SHISAL2A: variants seen among roughly 807,000 people sequenced by gnomAD.
The protein encoded by SHISAL2A is protein shisa-like-2A.
Under a neutral mutation model 11.5 loss-of-function variants are expected in SHISAL2A, and 18 were observed. That is an observed-to-expected ratio of 1.57 (90% confidence interval 1.08 to 2.33). SHISAL2A has a LOEUF of 2.33. Among genes scored for constraint, SHISAL2A ranks in the 30% most tolerant of loss-of-function variants. The pLI is 0.00. For synonymous variants in SHISAL2A, 94 were observed against 99.6 expected (o/e 0.94, Z 0.34); for missense variants, 261 against 250.9 (o/e 1.04, Z -0.27).
At position 52,656,830 on chromosome 1, in the gene SHISAL2A, A is replaced by T. The variant is rs1480511624; in HGVS notation, c.363A>T (p.Thr121=). The T allele has an allele frequency of 6.2e-7, 1 of 1,613,968 alleles. No homozygotes were observed. Among genetic ancestry groups the T allele is most frequent in the South Asian group, 1.1e-5 (1 of 91,046 alleles). Residue 121 remains threonine (T), a synonymous_variant, in exon 3 of 3, where the codon ACA becomes ACT. Transcript: ENST00000517870. ...EVSPDCQGVN[T]GMAAEVPKVS... is the part of the protein sequence containing the mutation. ...CTCCTGACTGCCAAGGTGTGAACAC[A>T]GGCATGGCGGCAGAAGTGCCAAAAG... is the stretch of plus-strand genomic sequence containing the variant.
Position 52,656,934 on chromosome 1 carries a change from G to C in SHISAL2A, c.467G>C (p.Arg156Pro), listed in dbSNP as rs777001067. ...SNEGQAVNSK[R>P]LLHHCFMATV... Reference sequence around the variant, plus strand: ...GAGGGGCAGGCTGTGAACTCCAAACGCCTCCTCCATCATTGCTTCATGGCC... The same window carrying C: ...GAGGGGCAGGCTGTGAACTCCAAACCCCTCCTCCATCATTGCTTCATGGCC... Residue 156 changes from arginine (R) to proline (P), a missense_variant, in exon 3 of 3, where the codon CGC becomes CCC. Transcript: ENST00000517870. 6.2e-7 allele frequency: 1 copy of C among 1,614,126 alleles called. No individual in the cohort carries two copies. Among genetic ancestry groups the C allele is most frequent in the Non-Finnish European group, 8.5e-7 (1 of 1,180,030 alleles).
At chr1:52,637,961 C>T (rs1034877939) in intron 1 of SHISAL2A, among the ~76,000 whole-genome samples, 7 of 152,102 alleles carry the variant, frequency 4.6e-5, no homozygotes, top group Non-Finnish European at 7.4e-5. Context: ...ATAACTCATT[C>T]GTGTGTCCTG....
chr1:52,655,446 T>C (rs375267766), intron 2 of SHISAL2A, among the ~76,000 whole-genome samples: 1 of 107,332 alleles, frequency 9.3e-6, no homozygotes, highest in East Asian at 2.5e-4. Flanking sequence ...TGAGACCCTG[T>C]ATCTACAAAA....
At chr1:52,638,692 G>A (rs1434675037) in intron 1 of SHISAL2A, among the ~76,000 whole-genome samples, 1 of 152,216 alleles carries the variant, frequency 6.6e-6, no homozygotes, top group African/African-American at 2.4e-5. Context: ...GGTAACTGGA[G>A]CTTAAACTCT....
intron 1 of SHISAL2A, among the ~76,000 whole-genome samples, chr1:52,639,125 ATGGTGCCAC>A (rs1691301891): frequency 6.6e-6 from 1 of 151,984 alleles, no homozygotes; most frequent in Admixed American, 6.6e-5. Context: ...GTGAGCCATG[ATGGTGCCAC>A]TGTACTCCAG....
chr1:52,661,205 AGCCACAGGAAAGGG>A (rs1453712685), downstream of SHISAL2A, among the ~76,000 whole-genome samples: 1 of 152,202 alleles, frequency 6.6e-6, no homozygotes, highest in Non-Finnish European at 1.5e-5. Context: ...GGCAAAAGGG[AGCCACAGGAAAGGG>A]TTTCAAGCAT....
chr1:52,659,212 G>A (rs964476565), downstream of SHISAL2A, among the ~76,000 whole-genome samples: 2 of 151,988 alleles, frequency 1.3e-5, no homozygotes, highest in African/African-American at 2.4e-5. Flanking sequence ...CTACAGGTGC[G>A]TGCCACTGTG....
rs547378101 is a variant in SHISAL2A at position 52,633,572 on chromosome 1, G to A, written c.79G>A (p.Glu27Lys). 7 of 1,611,142 alleles carry A rather than the reference G, an allele frequency of 4.3e-6. 1 individual carries two copies. In the South Asian group the frequency reaches 6.6e-5, roughly 15 times the overall value. The change falls in exon 1 of 3, where the codon GAG becomes AAG. Residue 27 changes from glutamate (E) to lysine (K), a missense_variant. Physicochemically the swap from Glu to Lys is moderately conservative, Grantham distance 56. Coordinates refer to ENST00000517870, the MANE Select transcript of SHISAL2A (RefSeq NM_001042693.3). This position sits in a 1 kb window ranked among gnomAD's most constrained non-coding sequence, Gnocchi z 6.4. ...RGFSCPRPGGEAAAVFCCGFR... is the reference protein window; with the variant it reads ...RGFSCPRPGGKAAAVFCCGFR... ...CTTCAGCTGCCCGCGGCCGGGGGGC[G>A]AGGCGGCCGCTGTCTTCTGCTGCGG...
chr1:52,660,500 T>C (rs994616285), downstream of SHISAL2A, among the ~76,000 whole-genome samples: 2 of 152,162 alleles, frequency 1.3e-5, no homozygotes, highest in African/African-American at 4.8e-5. Context: ...AGAAATAGTC[T>C]GAGCTCACCG....
downstream of SHISAL2A, among the ~76,000 whole-genome samples, chr1:52,660,513 G>C (rs1297932761): frequency 6.6e-6 from 1 of 152,188 alleles, no homozygotes; most frequent in Non-Finnish European, 1.5e-5. Flanking sequence ...GCTCACCGCT[G>C]TTCCCAAGCA....
At chr1:52,654,775 A>G (rs966964423) in intron 2 of SHISAL2A, among the ~76,000 whole-genome samples, 6 of 152,232 alleles carry the variant, frequency 3.9e-5, no homozygotes, top group African/African-American at 1.4e-4. Flanking sequence ...TACATTTTAA[A>G]AAAGATAAGC....
intron 1 of SHISAL2A, among the ~76,000 whole-genome samples, chr1:52,642,470 A>C (rs1691388392): frequency 6.6e-6 from 1 of 151,390 alleles, no homozygotes; most frequent in African/African-American, 2.4e-5. Context: ...CTGTCACCCA[A>C]GCTGGAGTGC....
At chr1:52,642,271 G>C (rs1691383055) in intron 1 of SHISAL2A, among the ~76,000 whole-genome samples, 1 of 152,150 alleles carries the variant, frequency 6.6e-6, no homozygotes, top group Non-Finnish European at 1.5e-5. Flanking sequence ...GAGGGAAGGA[G>C]ATGGTGCTGC....
At chr1:52,640,995 C>T (rs903815339) in intron 1 of SHISAL2A, among the ~76,000 whole-genome samples, 10 of 152,102 alleles carry the variant, frequency 6.6e-5, no homozygotes, top group African/African-American at 2.4e-4. Context: ...ATGAAGCCTC[C>T]ATAAAATCCC....
intron 2 of SHISAL2A, among the ~76,000 whole-genome samples, chr1:52,650,689 G>C (rs897467738): frequency 7.1e-5 from 9 of 127,278 alleles, no homozygotes; most frequent in Non-Finnish European, 1.1e-4. Flanking sequence ...CTGTTACCCA[G>C]GCTGGAGTGC....
At chr1:52,667,779 T>C (rs1163386159) in intron 5 of SHISAL2A, 1 of 152,188 alleles carries the variant, frequency 6.6e-6, no homozygotes, top group Non-Finnish European at 1.5e-5. Context: ...ACATGGACCA[T>C]CAAGGCAGGG....
downstream of SHISAL2A, among the ~76,000 whole-genome samples, chr1:52,657,402 G>T (rs990003981): frequency 6.6e-6 from 1 of 152,136 alleles, no homozygotes; most frequent in African/African-American, 2.4e-5. Context: ...CCTCAGAGGG[G>T]GATGATCTCT....
At chr1:52,645,664 C>T (rs1416502303) in intron 2 of SHISAL2A, among the ~76,000 whole-genome samples, 1 of 152,214 alleles carries the variant, frequency 6.6e-6, no homozygotes, top group African/African-American at 2.4e-5. Context: ...CTGCCTTGGC[C>T]TCCCAAAGTG....
At chr1:52,649,292 TA>T (rs1367299059) in intron 2 of SHISAL2A, among the ~76,000 whole-genome samples, 3 of 152,180 alleles carry the variant, frequency 2.0e-5, no homozygotes, top group Non-Finnish European at 4.4e-5. Flanking sequence ...CCCCATTTTA[TA>T]GCAGAGGAAA....
Sources: gnomAD v4.1 joint callset for allele counts (sites outside exome capture counted in the v4.1 genomes callset) on GRCh38, gnomAD v4.1.1 for gene constraint, Gnocchi (gnomAD v3.1) non-coding constraint, MANE v1.5 for transcripts, NCBI Gene and HGNC (gene_info 2026-07-23, HGNC 2026-07-21) for gene names.